The following CAMKMT variants were observed in gnomAD, a reference collection of about 807,000 sequenced individuals.
CAMKMT encodes the protein CaM KMT.
CAMKMT carries 53 observed loss-of-function variants against 48.0 expected under a neutral mutation model. The ratio of observed to expected loss-of-function variants is 1.10; its 90% CI spans 0.89 to 1.39. CAMKMT has a LOEUF of 1.39. Among genes scored for constraint, CAMKMT ranks in the 40% most tolerant of loss-of-function variants. The probability of loss-of-function intolerance (pLI) is 0.00; values close to 1 mark genes in which losing one functional copy is unlikely to be tolerated. For synonymous variants in CAMKMT, 165 were observed against 152.3 expected, an observed-to-expected ratio of 1.08 and a Z score of -0.61; for missense variants, 428 against 402.7, an observed-to-expected ratio of 1.06 and a Z score of -0.54.
At chr2:44,436,705 A>G (rs920248863) in intron 3 of CAMKMT, among the ~76,000 whole-genome samples, 20 of 152,158 alleles carry the variant, frequency 1.3e-4, no homozygotes, top group African/African-American at 4.8e-4. Flanking sequence ...TGTGTCAGTA[A>G]GCCCTATAGG....
At chr2:44,547,599 A>G (rs1667475356) in intron 3 of CAMKMT, among the ~76,000 whole-genome samples, 1 of 152,200 alleles carries the variant, frequency 6.6e-6, no homozygotes, top group South Asian at 2.1e-4. Context: ...AAAAATCATC[A>G]CAGGTGTAAA....
At chr2:44,709,798 T>C (rs544729412) in intron 6 of CAMKMT, among the ~76,000 whole-genome samples, 1 of 152,214 alleles carries the variant, frequency 6.6e-6, no homozygotes, top group South Asian at 2.1e-4. Flanking sequence ...AAAATTACTT[T>C]CTAAGAAGTA....
chr2:44,577,040 C>T (rs1669262737), intron 3 of CAMKMT, among the ~76,000 whole-genome samples: 1 of 152,156 alleles, frequency 6.6e-6, no homozygotes, highest in African/African-American at 2.4e-5. Flanking sequence ...TTTTTCAAAT[C>T]TGCACTATCT....
intron 3 of CAMKMT, among the ~76,000 whole-genome samples, chr2:44,497,610 G>A (rs1669809907): frequency 1.3e-5 from 2 of 151,756 alleles, no homozygotes; most frequent in South Asian, 4.2e-4. Flanking sequence ...CCTCTAACCA[G>A]GGACCTTTTC....
At chr2:44,655,891 T>C (rs577988661) in intron 3 of CAMKMT, among the ~76,000 whole-genome samples, 1 of 152,216 alleles carries the variant, frequency 6.6e-6, no homozygotes, top group Non-Finnish European at 1.5e-5. Context: ...ATTTACCATG[T>C]AGCAAACATC....
rs796627430 is a variant in CAMKMT, at chr2:44,748,717, T to TA, written c.698+5031dup. Among the ~76,000 whole-genome samples the TA allele has an allele frequency of 2.9e-3, 429 of 148,486 alleles. 1 individual carries two copies. Among genetic ancestry groups the TA allele is most frequent in the African/African-American group, 7.9e-3 (322 of 40,526 alleles). On this transcript the variant is annotated intron_variant, in intron 8 of 10. Coordinates refer to ENST00000378494, the MANE Select transcript of CAMKMT (RefSeq NM_024766.5). ...GAAACCCCATCTCTACTAAAAATAA[T>TA]AAAAAAAAAATTAGATGGGCATGGT... is the stretch of plus-strand genomic sequence containing the variant.
At chr2:44,516,098 A>G (rs1299766613) in intron 3 of CAMKMT, among the ~76,000 whole-genome samples, 3 of 152,320 alleles carry the variant, frequency 2.0e-5, no homozygotes, top group Admixed American at 2.0e-4. Context: ...GAAATGTACC[A>G]GGGGTGCTGA....
intron 3 of CAMKMT, among the ~76,000 whole-genome samples, chr2:44,555,217 G>T (rs1279977003): frequency 3.3e-5 from 5 of 152,224 alleles, no homozygotes; most frequent in African/African-American, 1.2e-4. Flanking sequence ...ATGGATTGGA[G>T]TAGGGAAACC....
chr2:44,590,632 C>T (rs1028839202), intron 3 of CAMKMT, among the ~76,000 whole-genome samples: 1 of 152,036 alleles, frequency 6.6e-6, no homozygotes, highest in Non-Finnish European at 1.5e-5. Flanking sequence ...AATTTGAGTT[C>T]ATTGTATATT....
chr2:44,409,212 A>G (rs1683022970), intron 3 of CAMKMT, among the ~76,000 whole-genome samples: 1 of 148,406 alleles, frequency 6.7e-6, no homozygotes, highest in Non-Finnish European at 1.5e-5. Flanking sequence ...CAACTAGCCA[A>G]AATTCAACGT....
chr2:44,721,378 T>C (rs528327659), intron 7 of CAMKMT, among the ~76,000 whole-genome samples: 1 of 152,336 alleles, frequency 6.6e-6, no homozygotes, highest in South Asian at 2.1e-4. Context: ...TTCAAATTGC[T>C]TTCCCTATTT....
At chr2:44,476,158 G>A (rs1333885840) in intron 3 of CAMKMT, among the ~76,000 whole-genome samples, 2 of 152,170 alleles carry the variant, frequency 1.3e-5, no homozygotes, top group South Asian at 2.1e-4. Context: ...TGCTTGAGTT[G>A]ATACTGCAAT....
At chr2:44,510,576 C>A (rs1483489861) in intron 3 of CAMKMT, among the ~76,000 whole-genome samples, 1 of 152,164 alleles carries the variant, frequency 6.6e-6, no homozygotes, top group Non-Finnish European at 1.5e-5. Context: ...TACTTTGAGA[C>A]TATACAAATA....
At chr2:44,651,486 C>G (rs972762582) in intron 3 of CAMKMT, among the ~76,000 whole-genome samples, 1 of 152,254 alleles carries the variant, frequency 6.6e-6, no homozygotes. Context: ...GAGTTTAAGA[C>G]CAGCCTGGCC....
At chr2:44,632,656 A>C (rs1438317216) in intron 3 of CAMKMT, among the ~76,000 whole-genome samples, 3 of 152,164 alleles carry the variant, frequency 2.0e-5, no homozygotes, top group Non-Finnish European at 4.4e-5. Flanking sequence ...TCCTGGGTGC[A>C]TCTGTAAGGG....
chr2:44,560,491 C>G (rs527764789), intron 3 of CAMKMT, among the ~76,000 whole-genome samples: 1 of 152,130 alleles, frequency 6.6e-6, no homozygotes, highest in South Asian at 2.1e-4. Flanking sequence ...AGGCAGGTCT[C>G]GAACTTCTGG....
At chr2:44,510,516 C>G (rs889432972) in intron 3 of CAMKMT, among the ~76,000 whole-genome samples, 1 of 152,154 alleles carries the variant, frequency 6.6e-6, no homozygotes, top group African/African-American at 2.4e-5. Flanking sequence ...CATTACAACA[C>G]TACTATTTTC....
intron 3 of CAMKMT, among the ~76,000 whole-genome samples, chr2:44,703,162 G>A (rs1677349347): frequency 6.6e-6 from 1 of 152,030 alleles, no homozygotes; most frequent in African/African-American, 2.4e-5. Context: ...CTAATTATAA[G>A]GGTAGTATAT....
chr2:44,579,856 C>T lies in CAMKMT; in HGVS notation c.377-124427C>T, dbSNP rs79819286. Among the ~76,000 whole-genome samples the T allele has an allele frequency of 5.3e-3, 802 of 152,080 alleles. 3 individuals carry two copies. Among genetic ancestry groups the T allele is most frequent in the African/African-American group, 0.019 (771 of 41,456 alleles). On this transcript the variant is annotated intron_variant, in intron 3 of 10. Transcript: ENST00000378494. ...TGTGTTGCACAAATCGAAAGTCAGA[C>T]ATACCCTTGTATAAATGATTATTGT... is the stretch of plus-strand genomic sequence containing the variant.
Sources: allele counts gnomAD v4.1 joint callset (sites outside exome capture counted in the v4.1 genomes callset), GRCh38; gene constraint gnomAD v4.1.1; transcripts MANE v1.5; gene names NCBI Gene and HGNC (gene_info 2026-07-23, HGNC 2026-07-21).